The following TPTE2 variants were observed in gnomAD, a reference collection of about 807,000 sequenced individuals.
The protein encoded by TPTE2 is transmembrane phosphoinositide 3-phosphatase and tensin homolog 2.
In TPTE2, 53 loss-of-function variants were observed where a neutral mutation model predicts 78.6. That is an observed-to-expected ratio of 0.67 (90% CI 0.54 to 0.85). The LOEUF (loss-of-function observed/expected upper bound fraction) is 0.85. Ranked by LOEUF, TPTE2 falls within the 40% of genes least tolerant of loss-of-function variation. The pLI is 0.00. For synonymous variants in TPTE2, 175 were observed against 206.2 expected, an observed-to-expected ratio of 0.85 and a Z score of 1.30; for missense variants, 461 against 623.0, an observed-to-expected ratio of 0.74 and a Z score of 2.77.
chr13:19,462,815 GA>G (rs1378065385), intron 10 of TPTE2, among the ~76,000 whole-genome samples: 3 of 151,806 alleles, frequency 2.0e-5, no homozygotes, highest in Non-Finnish European at 2.9e-5. Flanking sequence ...AAAGTGCTGG[GA>G]TTACAGGTGT....
exon 20 of TPTE2, chr13:19,423,116 T>A: frequency 1.9e-6 from 3 of 1,612,202 alleles, no homozygotes; most frequent in East Asian, 4.5e-5. Flanking sequence ...AAATTTTCCA[T>A]GCTTTTTGTT....
chr13:19,548,947 C>T, the TPTE2 span, among the ~76,000 whole-genome samples: 2 of 151,888 alleles, frequency 1.3e-5, no homozygotes, highest in Admixed American at 6.6e-5. Context: ...GGCAAAACCC[C>T]GTCTATATGA....
chr13:19,486,410 G>T lies in TPTE2; in HGVS notation c.120-3863C>A, dbSNP rs913978367. 6.6e-6 allele frequency among the ~76,000 whole-genome samples: 1 copy of T among 152,134 alleles called. No homozygotes were observed. The highest frequency in any genetic ancestry group is 1.5e-5 in the Non-Finnish European group (1 of 68,024). On this transcript the variant is annotated intron_variant, in intron 3 of 19. Transcript: ENST00000400230. The surrounding 1 kb of genome is among the most constrained non-coding windows in gnomAD (Gnocchi z 4.3). ...TAGGGGTGTGTGCAGGCATACACTG[G>T]GTCAGAAAACTTGGAGTATGGCCTT...
chr13:19,512,640 G>A (rs1018668523), intron 1 of TPTE2, among the ~76,000 whole-genome samples: 3 of 151,612 alleles, frequency 2.0e-5, no homozygotes, highest in Admixed American at 6.6e-5. Context: ...GTGCAGTGGC[G>A]CTGTCTCAGC....
chr13:19,428,347 C>T (rs942197901), intron 17 of TPTE2, among the ~76,000 whole-genome samples: 17 of 151,840 alleles, frequency 1.1e-4, no homozygotes, highest in Non-Finnish European at 7.4e-5. Context: ...ACTTGGGAGG[C>T]GGAGGCAGGA....
At chr13:19,546,715 C>T in the TPTE2 span, among the ~76,000 whole-genome samples, 3 of 151,690 alleles carry the variant, frequency 2.0e-5, no homozygotes, top group Non-Finnish European at 2.9e-5. Context: ...GTCTTGAGCT[C>T]CTGACCTCAG....
chr13:19,457,451 GCA>G (rs1440191423), intron 10 of TPTE2, among the ~76,000 whole-genome samples: 8 of 152,248 alleles, frequency 5.3e-5, no homozygotes, highest in East Asian at 1.9e-4. Context: ...GTGGTTTGCT[GCA>G]CAGATCATCC....
chr13:19,502,239 G>A (rs1721697996), intron 1 of TPTE2, among the ~76,000 whole-genome samples: 1 of 145,100 alleles, frequency 6.9e-6, no homozygotes, highest in African/African-American at 2.6e-5. Context: ...AGTCAGTGTG[G>A]CGATTCCTCA....
chr13:19,444,889 C>T (rs1877730034), intron 13 of TPTE2, among the ~76,000 whole-genome samples: 1 of 152,136 alleles, frequency 6.6e-6, no homozygotes, highest in African/African-American at 2.4e-5. Context: ...AAATGAAAAT[C>T]TTCTGAACCA....
At chr13:19,493,902 C>G (rs1881156558) in intron 1 of TPTE2, among the ~76,000 whole-genome samples, 1 of 152,142 alleles carries the variant, frequency 6.6e-6, no homozygotes, top group African/African-American at 2.4e-5. Flanking sequence ...GTTTCTCATG[C>G]CCCACAAAAA....
upstream of TPTE2, among the ~76,000 whole-genome samples, chr13:19,539,800 C>T (rs1048979022): frequency 2.0e-5 from 3 of 152,108 alleles, no homozygotes; most frequent in African/African-American, 4.8e-5. Context: ...CTTCTTGGTT[C>T]TTTGTTTCTC....
At chr13:19,468,760 C>T (rs112949746) in intron 6 of TPTE2, among the ~76,000 whole-genome samples, 5,686 of 152,238 alleles carry the variant, frequency 0.037, 387 homozygotes, top group African/African-American at 0.13. Flanking sequence ...GCGAATTTCT[C>T]TAATGATCAA....
intron 10 of TPTE2, 55 bp from the exon 14 acceptor site, chr13:19,451,280 T>C: frequency 6.2e-7 from 1 of 1,608,052 alleles, no homozygotes; most frequent in Non-Finnish European, 8.5e-7. Context: ...CACAAGCTAT[T>C]TCCTAGGGGG....
At chr13:19,450,264 G>A in exon 12 of TPTE2, 1 of 1,611,194 alleles carries the variant, frequency 6.2e-7, no homozygotes, top group South Asian at 1.1e-5. Flanking sequence ...AAAACTTACT[G>A]TAGAGTGGGG....
chr13:19,466,192 C>T (rs1879259339), intron 7 of TPTE2, among the ~76,000 whole-genome samples: 1 of 152,140 alleles, frequency 6.6e-6, no homozygotes, highest in Admixed American at 6.5e-5. Context: ...ATAAGAGCCA[C>T]CTGGAAAAGC....
intron 5 of TPTE2, 105 bp from the exon 9 acceptor site, chr13:19,474,180 G>A (rs1375753344): frequency 1.8e-6 from 2 of 1,110,256 alleles, no homozygotes; most frequent in Non-Finnish European, 2.4e-6. Context: ...CACTGATCAG[G>A]TACCAAAATG....
upstream of TPTE2, chr13:19,536,877 T>C: frequency 6.6e-6 from 1 of 151,394 alleles, no homozygotes; most frequent in Middle Eastern, 3.5e-3. Flanking sequence ...ATATATACAA[T>C]ACATATACAC....
intron 1 of TPTE2, among the ~76,000 whole-genome samples, chr13:19,531,176 A>C (rs1870844528): frequency 1.3e-5 from 2 of 152,158 alleles, no homozygotes; most frequent in African/African-American, 4.8e-5. Flanking sequence ...ATATATAAGA[A>C]TTGTACTTCT....
upstream of TPTE2, among the ~76,000 whole-genome samples, chr13:19,538,161 A>G (rs1871313828): frequency 6.6e-6 from 1 of 152,144 alleles, no homozygotes; most frequent in African/African-American, 2.4e-5. Context: ...TATGCTTTTG[A>G]TATCTTAAAT....
Sources: gnomAD v4.1 joint callset for allele counts (sites outside exome capture counted in the v4.1 genomes callset) on GRCh38, gnomAD v4.1.1 for gene constraint, Gnocchi (gnomAD v3.1) non-coding constraint, MANE v1.5 for transcripts, NCBI Gene and HGNC (gene_info 2026-07-23, HGNC 2026-07-21) for gene names.